The following PPM1D variants were observed in gnomAD, a reference collection of about 807,000 sequenced individuals.
PPM1D encodes protein phosphatase, Mg2+/Mn2+ dependent 1D.
PPM1D carries 52 observed loss-of-function variants against 58.3 expected under a neutral mutation model. The ratio of observed to expected loss-of-function variants is 0.89; its 90% CI spans 0.71 to 1.12. PPM1D has a LOEUF of 1.12. Among genes scored for constraint, PPM1D ranks in the 50% most tolerant of loss-of-function variants. The probability of loss-of-function intolerance (pLI) is 0.00; values close to 1 mark genes in which losing one functional copy is unlikely to be tolerated. For synonymous variants in PPM1D, 278 were observed against 285.1 expected (o/e 0.98, Z 0.25); for missense variants, 564 against 777.2 (o/e 0.73, Z 3.26).
chr17:60,645,000 A>T (rs773034348), intron 3 of PPM1D, among the ~76,000 whole-genome samples: 1 of 152,216 alleles, frequency 6.6e-6, no homozygotes, highest in African/African-American at 2.4e-5. Context: ...GAGTTTAAAA[A>T]TTTAAGTTAG....
intron 3 of PPM1D, among the ~76,000 whole-genome samples, chr17:60,634,227 A>G (rs544191108): frequency 6.9e-4 from 105 of 152,302 alleles, no homozygotes; most frequent in Non-Finnish European, 2.9e-5. Context: ...CCTAGCCAAC[A>G]TGGTGAAACT....
chr17:60,618,093 G>T (rs1188358096), intron 1 of PPM1D, among the ~76,000 whole-genome samples: 1 of 152,190 alleles, frequency 6.6e-6, no homozygotes, highest in African/African-American at 2.4e-5. Flanking sequence ...TGTGCTTTAT[G>T]TAGTATTGTC....
rs113558494 is a variant in PPM1D, at chr17:60,642,795, G to A, written c.827-5097G>A. Among the ~76,000 whole-genome samples the A allele has an allele frequency of 3.8e-3, 581 of 152,168 alleles. 2 individuals carry two copies. Among genetic ancestry groups the A allele is most frequent in the African/African-American group, 0.013 (548 of 41,558 alleles). On this transcript the variant is annotated intron_variant, in intron 3 of 5. Coordinates refer to ENST00000305921, the MANE Select transcript of PPM1D (RefSeq NM_003620.4). ...TTAAAAAAGATTTTCAGCCGGGCACGGTGGCTTATGCCTGTAATCCCAGCA... is the reference window on the plus strand; with the variant it reads ...TTAAAAAAGATTTTCAGCCGGGCACAGTGGCTTATGCCTGTAATCCCAGCA...
rs1317311078 is a variant in PPM1D at position 60,664,225 on chromosome 17, A to G, written c.*673A>G. ...CAGATATGCTTACTAAATCTTCAGC[A>G]TAGAAGGAAGTGTGTTTGCCTAAAA... On this transcript the variant is annotated 3_prime_UTR_variant, in exon 6 of 6. Coordinates refer to ENST00000305921, the MANE Select transcript of PPM1D (RefSeq NM_003620.4). 2 of 152,664 alleles carry G rather than the reference A, an allele frequency of 1.3e-5. No homozygotes were observed. Among genetic ancestry groups the G allele is most frequent in the Non-Finnish European group, 2.9e-5 (2 of 68,056 alleles). 9.5% of individuals were successfully genotyped at this position (152,664 alleles called of 1,614,324 possible).
chr17:60,662,055 G>C (rs982651242), intron 5 of PPM1D, among the ~76,000 whole-genome samples: 1 of 152,136 alleles, frequency 6.6e-6, no homozygotes, highest in South Asian at 2.1e-4. Flanking sequence ...GGAGTGCAGT[G>C]GTGCGATCTC....
At chr17:60,626,050 G>A (rs375195802) in intron 2 of PPM1D, among the ~76,000 whole-genome samples, 40 of 152,222 alleles carry the variant, frequency 2.6e-4, no homozygotes, top group South Asian at 2.1e-3. Context: ...GCTGTACCAT[G>A]TACAGATGTA....
At chr17:60,656,869 T>C (rs1333383646) in intron 5 of PPM1D, 28 bp downstream of exon 5, 7 of 1,613,098 alleles carry the variant, frequency 4.3e-6, no homozygotes, top group Non-Finnish European at 5.9e-6. Flanking sequence ...TTTTAAGTTA[T>C]GTTTTAATAG....
rs375192740 is a variant in PPM1D, at chr17:60,656,738, C to T, written c.1157C>T (p.Thr386Ile). 18 of 1,614,170 alleles carry T rather than the reference C, an allele frequency of 1.1e-5. No individual in the cohort carries two copies. In the African/African-American group the frequency reaches 2.1e-4, roughly 19 times the overall value. ...SPEVDNQGNF[T>I]NEDELYLNLT... ...GAAGTGGACAATCAGGGAAACTTTA[C>T]CAATGAAGATGAGTTATACCTGAAC... The change falls in exon 5 of 6, where the codon ACC (threonine) becomes ATC (isoleucine). Residue 386 changes from threonine (T) to isoleucine (I), a missense_variant. Physicochemically the swap from Thr to Ile is moderately conservative, Grantham distance 89. Coordinates refer to ENST00000305921, the MANE Select transcript of PPM1D (RefSeq NM_003620.4).
At chr17:60,636,630 G>T (rs2031026677) in intron 3 of PPM1D, among the ~76,000 whole-genome samples, 1 of 152,134 alleles carries the variant, frequency 6.6e-6, no homozygotes, top group Non-Finnish European at 1.5e-5. Flanking sequence ...TGAGACCTGT[G>T]AGTGTCTGGG....
intron 3 of PPM1D, among the ~76,000 whole-genome samples, chr17:60,642,001 C>T (rs1370912780): frequency 1.3e-5 from 2 of 152,252 alleles, no homozygotes; most frequent in East Asian, 1.9e-4. Context: ...TTCCAAGGCA[C>T]CTCCTTTCAG....
intron 3 of PPM1D, among the ~76,000 whole-genome samples, chr17:60,646,817 A>G (rs981464878): frequency 8.5e-5 from 13 of 152,330 alleles, no homozygotes; most frequent in Admixed American, 6.5e-4. Flanking sequence ...AGAAGGATAA[A>G]TGTAAGAGCT....
chr17:60,619,683 C>T (rs1001762545), intron 1 of PPM1D, among the ~76,000 whole-genome samples: 2 of 151,746 alleles, frequency 1.3e-5, no homozygotes, highest in Non-Finnish European at 2.9e-5. Flanking sequence ...TCACTGTAGC[C>T]CCAGACTCCT....
In PPM1D at chr17:60,636,205, G is replaced by C. The variant is rs142129775; in HGVS notation, c.826+2228G>C. Among the ~76,000 whole-genome samples, 323 of 152,314 alleles carry C rather than the reference G, an allele frequency of 2.1e-3. 1 individual carries two copies. Among genetic ancestry groups the C allele is most frequent in the African/African-American group, 7.3e-3 (302 of 41,568 alleles). On this transcript the variant is annotated intron_variant, in intron 3 of 5. Transcript: ENST00000305921. ...TTGATCACTTGCTGTAGGGAACCCA[G>C]CTTTGTATTTTGTTAGCCCTGAATC...
chr17:60,642,272 G>A (rs1407240712), intron 3 of PPM1D, among the ~76,000 whole-genome samples: 2 of 148,410 alleles, frequency 1.3e-5, no homozygotes, highest in African/African-American at 5.0e-5. Context: ...AATTATAACA[G>A]GAATAAGTTA....
chr17:60,637,561 A>G (rs1227512523), intron 3 of PPM1D, among the ~76,000 whole-genome samples: 1 of 152,142 alleles, frequency 6.6e-6, no homozygotes, highest in Non-Finnish European at 1.5e-5. Context: ...GGTGATACCT[A>G]TTTGGCTTCC....
intron 1 of PPM1D, among the ~76,000 whole-genome samples, chr17:60,610,586 G>A (rs764333072): frequency 1.8e-4 from 27 of 152,152 alleles, no homozygotes; most frequent in Non-Finnish European, 3.8e-4. Context: ...CCTACAGGCC[G>A]CATTGGGCTA....
intron 4 of PPM1D, among the ~76,000 whole-genome samples, chr17:60,655,592 C>T (rs1488269588): frequency 6.6e-6 from 1 of 152,222 alleles, no homozygotes; most frequent in African/African-American, 2.4e-5. Context: ...TGCAGTCCAC[C>T]TGCCTCCACC....
intron 1 of PPM1D, among the ~76,000 whole-genome samples, chr17:60,606,000 A>T (rs1278664822): frequency 6.6e-6 from 1 of 152,230 alleles, no homozygotes; most frequent in Non-Finnish European, 1.5e-5. Context: ...AACCATCACC[A>T]CTATCAGTTT....
At chr17:60,631,954 G>C (rs975964064) in intron 2 of PPM1D, among the ~76,000 whole-genome samples, 1 of 152,056 alleles carries the variant, frequency 6.6e-6, no homozygotes, top group East Asian at 1.9e-4. Flanking sequence ...CGAGGTGGGT[G>C]GATCACGAGG....
Sources: gnomAD v4.1 joint callset for allele counts (sites outside exome capture counted in the v4.1 genomes callset) on GRCh38, gnomAD v4.1.1 for gene constraint, MANE v1.5 for transcripts, NCBI Gene and HGNC (gene_info 2026-07-23, HGNC 2026-07-21) for gene names.